The following EXOC6B variants were observed in gnomAD, a reference collection of about 807,000 sequenced individuals.
EXOC6B encodes SEC15 homolog B.
EXOC6B carries 54 observed loss-of-function variants against 113.5 expected under a neutral mutation model. That is an observed-to-expected ratio of 0.48 (90% CI 0.38 to 0.60). EXOC6B has a LOEUF of 0.60. Among genes scored for constraint, EXOC6B ranks in the 20% least tolerant of loss-of-function variants. The pLI is 0.00. For synonymous variants in EXOC6B, 357 were observed against 339.0 expected, an observed-to-expected ratio of 1.05 and a Z score of -0.58; for missense variants, 797 against 977.5, an observed-to-expected ratio of 0.82 and a Z score of 2.46.
At chr2:72,289,307 C>T (rs2104703764) in intron 20 of EXOC6B, among the ~76,000 whole-genome samples, 1 of 152,158 alleles carries the variant, frequency 6.6e-6, no homozygotes, top group East Asian at 1.9e-4. Context: ...ATGCATGAAG[C>T]CATATAATTA....
At chr2:72,488,421 G>A (rs1362247740) in intron 16 of EXOC6B, among the ~76,000 whole-genome samples, 1 of 151,590 alleles carries the variant, frequency 6.6e-6, no homozygotes, top group Admixed American at 6.6e-5. Context: ...TTATCCCCTG[G>A]CCAAACCTCA....
rs796917839 is a variant in EXOC6B at position 72,636,369 on chromosome 2, G to C, written c.670-60701C>G. Among the ~76,000 whole-genome samples the C allele has an allele frequency of 2.6e-3, 250 of 96,610 alleles. 2 individuals carry two copies. The highest frequency in any genetic ancestry group is 0.014 in the African/African-American group (229 of 16,480). 63.4% of individuals were successfully genotyped at this position (96,610 alleles called of 152,430 possible). A position where few individuals can be genotyped will look rare whatever the true frequency, so the allele number is the denominator to read the frequency against. On this transcript the variant is annotated intron_variant, in intron 6 of 21. Transcript: ENST00000272427. ...GGAAGGAAGGAAGGAAGGAAGGAAG[G>C]AAGCAAGGAAGCAAGGAAGGGAGGG...
At chr2:72,657,287 G>A (rs368923110) in intron 6 of EXOC6B, among the ~76,000 whole-genome samples, 6 of 143,912 alleles carry the variant, frequency 4.2e-5, no homozygotes, top group Admixed American at 7.3e-5. Context: ...CTGCAGTGGC[G>A]CTACCTTGGC....
chr2:72,506,240 A>G (rs539309935), intron 11 of EXOC6B, among the ~76,000 whole-genome samples: 1 of 152,160 alleles, frequency 6.6e-6, no homozygotes, highest in Non-Finnish European at 1.5e-5. Flanking sequence ...CCTTGTGTCT[A>G]TTCTCTGAGT....
intron 20 of EXOC6B, among the ~76,000 whole-genome samples, chr2:72,306,802 T>C (rs1313763727): frequency 6.6e-6 from 1 of 152,238 alleles, no homozygotes; most frequent in African/African-American, 2.4e-5. Flanking sequence ...AGTTTCCATA[T>C]GCTCTTAATC....
At chr2:72,460,402 C>A (rs1180164628) in intron 18 of EXOC6B, among the ~76,000 whole-genome samples, 7 of 151,898 alleles carry the variant, frequency 4.6e-5, no homozygotes, top group African/African-American at 1.4e-4. Context: ...AAAGAAACTA[C>A]CATCAGAGTG....
chr2:72,592,450 C>G (rs966986947), intron 6 of EXOC6B, among the ~76,000 whole-genome samples: 6 of 152,110 alleles, frequency 3.9e-5, no homozygotes, highest in Admixed American at 3.3e-4. Context: ...GACTGACTGT[C>G]CCTTGCAGGA....
At chr2:72,392,930 T>C (rs1437056006) in intron 18 of EXOC6B, among the ~76,000 whole-genome samples, 1 of 152,216 alleles carries the variant, frequency 6.6e-6, no homozygotes. Flanking sequence ...ATGTCTCTGC[T>C]ACGTAATTTC....
At chr2:72,360,460 C>A (rs1665037086) in intron 19 of EXOC6B, among the ~76,000 whole-genome samples, 1 of 150,498 alleles carries the variant, frequency 6.6e-6, no homozygotes, top group Admixed American at 6.6e-5. Flanking sequence ...AACTTGGTAG[C>A]CAAGCTTATA....
At chr2:72,487,821 C>T (rs1699520927) in intron 16 of EXOC6B, among the ~76,000 whole-genome samples, 1 of 152,182 alleles carries the variant, frequency 6.6e-6, no homozygotes, top group African/African-American at 2.4e-5. Context: ...AAGGTACATA[C>T]TATCAACATA....
At chr2:72,653,599 C>CA (rs1553460777) in intron 6 of EXOC6B, among the ~76,000 whole-genome samples, 1 of 88,882 alleles carries the variant, frequency 1.1e-5, no homozygotes, top group Non-Finnish European at 2.0e-5. Context: ...TTGCCAGCAA[C>CA]CCCCCCCCAA....
intron 18 of EXOC6B, among the ~76,000 whole-genome samples, chr2:72,404,661 G>C (rs1166239219): frequency 3.3e-5 from 5 of 152,114 alleles, no homozygotes; most frequent in Admixed American, 2.0e-4. Flanking sequence ...ACTGTTAGAA[G>C]GAAAACTAAC....
At chr2:72,311,636 T>C (rs1335502541) in intron 20 of EXOC6B, among the ~76,000 whole-genome samples, 1 of 152,070 alleles carries the variant, frequency 6.6e-6, no homozygotes, top group Non-Finnish European at 1.5e-5. Context: ...CAAAATCTCT[T>C]TTACCCTATA....
At chr2:72,669,094 ATAT>A (rs1675601961) in intron 6 of EXOC6B, among the ~76,000 whole-genome samples, 1 of 152,036 alleles carries the variant, frequency 6.6e-6, no homozygotes, top group African/African-American at 2.4e-5. Context: ...ATCAAAAAAT[ATAT>A]TATTATTTAT....
At chr2:72,639,937 G>C (rs1573535256) in intron 6 of EXOC6B, among the ~76,000 whole-genome samples, 1 of 152,316 alleles carries the variant, frequency 6.6e-6, no homozygotes, top group African/African-American at 2.4e-5. Flanking sequence ...CAAGAGGCCT[G>C]ACAACTCAAA....
chr2:72,200,878 C>G (rs948779046), intron 20 of EXOC6B, among the ~76,000 whole-genome samples: 85 of 152,200 alleles, frequency 5.6e-4, no homozygotes, highest in African/African-American at 2.0e-3. Flanking sequence ...CCTCAGTGAA[C>G]AAATGTTAAT....
intron 19 of EXOC6B, among the ~76,000 whole-genome samples, chr2:72,371,105 T>G (rs1258659084): frequency 6.6e-6 from 1 of 150,984 alleles, no homozygotes; most frequent in Non-Finnish European, 1.5e-5. Context: ...TGGATACCAG[T>G]TCAGCCACAG....
chr2:72,424,969 C>G (rs1341615947), intron 18 of EXOC6B, among the ~76,000 whole-genome samples: 1 of 152,038 alleles, frequency 6.6e-6, no homozygotes, highest in East Asian at 1.9e-4. Flanking sequence ...AGTTATTTTT[C>G]CTGAATCTCT....
chr2:72,280,685 G>C lies in EXOC6B; in HGVS notation c.2196+54262C>G, dbSNP rs181831205. Reference sequence around the variant, plus strand: ...GACAAACATTTTAAAAAATAAAAAGGCTGCTTGGAAGCATCAGAGAGTTGC... The same window carrying C: ...GACAAACATTTTAAAAAATAAAAAGCCTGCTTGGAAGCATCAGAGAGTTGC... On this transcript the variant is annotated intron_variant, in intron 20 of 21. Transcript: ENST00000272427. 1.8e-3 allele frequency among the ~76,000 whole-genome samples: 274 copies of C among 152,100 alleles called. 1 individual carries two copies. Among genetic ancestry groups the C allele is most frequent in the South Asian group, 7.9e-3 (38 of 4,814 alleles).
Sources: gnomAD v4.1 joint callset for allele counts (sites outside exome capture counted in the v4.1 genomes callset) on GRCh38, gnomAD v4.1.1 for gene constraint, MANE v1.5 for transcripts, NCBI Gene and HGNC (gene_info 2026-07-23, HGNC 2026-07-21) for gene names.